The following MED7 variants were observed in gnomAD, a reference collection of about 807,000 sequenced individuals.
MED7 encodes mediator complex subunit 7, also known as mediator of RNA polymerase II transcription subunit 7.
In MED7, 7 loss-of-function variants were observed where a neutral mutation model predicts 16.6. That is an observed-to-expected ratio of 0.42 (90% CI 0.24 to 0.79). The LOEUF (loss-of-function observed/expected upper bound fraction) is 0.79, where lower values mean the gene tolerates loss of function less well. Among genes scored for constraint, MED7 ranks in the 30% least tolerant of loss-of-function variants. The probability of loss-of-function intolerance (pLI) is 0.27; values close to 1 mark genes in which losing one functional copy is unlikely to be tolerated. For missense variants in MED7, 240 were observed against 286.3 expected, an observed-to-expected ratio of 0.84 and a Z score of 1.17; for synonymous variants, 88 against 90.5, an observed-to-expected ratio of 0.97 and a Z score of 0.16.
intron 1 of MED7, among the ~76,000 whole-genome samples, chr5:157,141,537 G>A (rs1301553449): frequency 6.6e-6 from 1 of 152,140 alleles, no homozygotes; most frequent in Non-Finnish European, 1.5e-5. Context: ...TATGGCCTCT[G>A]TAACATAATC....
chr5:157,139,032 T>C lies in MED7; in HGVS notation c.400A>G (p.Thr134Ala). ...TGGACCTCCATCATGACTCTCAAGG[T>C]CTCTCTTGCTTGGTGGGGTCGGTAT... ...NEYRPHQARE[T>A]LRVMMEVQKR... The change falls in exon 2 of 2, where the codon ACC (threonine) becomes GCC (alanine). Residue 134 changes from threonine (T) to alanine (A), a missense_variant. Thr to Ala is a moderately conservative substitution (Grantham distance 58). Transcript: ENST00000286317. 1 of 1,614,134 alleles carries C rather than the reference T, an allele frequency of 6.2e-7. No individual in the cohort carries two copies. Among genetic ancestry groups the C allele is most frequent in the Non-Finnish European group, 8.5e-7 (1 of 1,180,030 alleles).
intron 1 of MED7, among the ~76,000 whole-genome samples, chr5:157,140,227 G>T (rs1757703002): frequency 6.6e-6 from 1 of 152,114 alleles, no homozygotes; most frequent in Admixed American, 6.5e-5. Context: ...TGGCCAGGTT[G>T]GTCTCTTTAC....
In MED7 at chr5:157,138,994, C is replaced by A. The variant is rs1316168953; in HGVS notation, c.438G>T (p.Arg146=). The A allele has an allele frequency of 3.1e-6, 5 of 1,614,020 alleles. No individual in the cohort carries two copies. The highest frequency in any genetic ancestry group is 4.2e-6 in the Non-Finnish European group (5 of 1,180,036). Residue 146 remains arginine (R), a synonymous_variant, in exon 2 of 2, where the codon CGG becomes CGT. Coordinates refer to ENST00000286317, the MANE Select transcript of MED7 (RefSeq NM_004270.5). ...RVMMEVQKRQ[R]LETAERFQKH... is the part of the protein sequence containing the mutation. ...TTTGAAATCTCTCAGCTGTTTCAAG[C>A]CGTTGACGTTTCTGGACCTCCATCA...
chr5:157,141,511 G>A (rs777432350), intron 1 of MED7, among the ~76,000 whole-genome samples: 1 of 152,172 alleles, frequency 6.6e-6, no homozygotes. Flanking sequence ...CCAACTACAT[G>A]ACAGGTACCA....
chr5:157,139,739 T>C (rs886498784), intron 1 of MED7, among the ~76,000 whole-genome samples: 2 of 126,612 alleles, frequency 1.6e-5, no homozygotes, highest in Non-Finnish European at 3.6e-5. Context: ...CTGGACTCCA[T>C]GCCCCTCACC....
intron 1 of MED7, among the ~76,000 whole-genome samples, chr5:157,142,152 G>A (rs1231477248): frequency 2.6e-5 from 4 of 152,146 alleles, no homozygotes; most frequent in South Asian, 2.1e-4. Flanking sequence ...GGTGATGGAG[G>A]TCTTATTTTT....
chr5:157,138,585 C>T lies in MED7; in HGVS notation c.*145G>A. On this transcript the variant is annotated 3_prime_UTR_variant, in exon 2 of 2. Transcript: ENST00000286317. ...GCTTGTTATACAGCGAAATTACTGC[C>T]TATGACATCTCATAATTGAAAAATT... is the stretch of plus-strand genomic sequence containing the variant. 1.5e-6 allele frequency: 1 copy of T among 651,502 alleles called. No homozygotes were observed. Among genetic ancestry groups the T allele is most frequent in the Non-Finnish European group, 2.6e-6 (1 of 387,818 alleles). The allele number at this position is 651,502 out of a possible 1,614,324, so 40.4% of individuals were successfully genotyped here.
rs563783174 is a variant in MED7 at position 157,140,769 on chromosome 5, T to G, written c.-17-1321A>C. Among the ~76,000 whole-genome samples the G allele has an allele frequency of 3.4e-4, 52 of 151,578 alleles. No individual in the cohort carries two copies. The South Asian group carries it at 0.011, about 31-fold the overall frequency. On this transcript the variant is annotated intron_variant, in intron 1 of 1. Coordinates refer to ENST00000286317, the MANE Select transcript of MED7 (RefSeq NM_004270.5). ...GTTACTCAGGCTTGTTTCAAACTCC[T>G]GAGCTCAAGCAATCCTCCTGCCTTG...
chr5:157,140,959 T>C (rs1043548031), intron 1 of MED7, among the ~76,000 whole-genome samples: 1 of 152,256 alleles, frequency 6.6e-6, no homozygotes, highest in African/African-American at 2.4e-5. Context: ...ATTTGCTTTA[T>C]TGGTTTTTCA....
chr5:157,138,100 A>C lies in MED7; in HGVS notation c.*630T>G, dbSNP rs920014735. The C allele has an allele frequency of 2.0e-5, 3 of 152,224 alleles. No individual in the cohort carries two copies. Among genetic ancestry groups the C allele is most frequent in the African/African-American group, 7.2e-5 (3 of 41,446 alleles). 9.4% of individuals were successfully genotyped at this position (152,224 alleles called of 1,614,324 possible). A position where few individuals can be genotyped will look rare whatever the true frequency, so the allele number is the denominator to read the frequency against. On this transcript the variant is annotated 3_prime_UTR_variant, in exon 2 of 2. Coordinates refer to ENST00000286317, the MANE Select transcript of MED7 (RefSeq NM_004270.5). Reference sequence around the variant, plus strand: ...CTTAATTACTAAAATTAATGTCTGTAACTTAAAGTGACCAAAGGACTTATT... The same window carrying C: ...CTTAATTACTAAAATTAATGTCTGTCACTTAAAGTGACCAAAGGACTTATT...
Position 157,137,888 on chromosome 5 carries a change from TCA to T in MED7, c.*840_*841del, listed in dbSNP as rs1372674843. The T allele has an allele frequency of 1.3e-5, 2 of 152,228 alleles. No individual in the cohort carries two copies. Among genetic ancestry groups the T allele is most frequent in the African/African-American group, 4.8e-5 (2 of 41,444 alleles). 9.4% of individuals were successfully genotyped at this position (152,228 alleles called of 1,614,324 possible). A position where few individuals can be genotyped will look rare whatever the true frequency, so the allele number is the denominator to read the frequency against. On this transcript the variant is annotated 3_prime_UTR_variant, in exon 2 of 2. Transcript: ENST00000286317. ...CCGCCTACGACTTAGTCATATGTTC[TCA>T]CAGAGATGCTGGGAGTAGGGAAATG...
chr5:157,138,676 T>G lies in MED7; in HGVS notation c.*54A>C. On this transcript the variant is annotated 3_prime_UTR_variant, in exon 2 of 2. Coordinates refer to ENST00000286317, the MANE Select transcript of MED7 (RefSeq NM_004270.5). ...TCTCTTAAGACTGTCCAAAAGAAAA[T>G]GAACTAATATATGATGCTATTATCA... The G allele has an allele frequency of 7.2e-7, 1 of 1,394,460 alleles. No individual in the cohort carries two copies. The highest frequency in any genetic ancestry group is 2.3e-5 in the Admixed American group (1 of 44,156). The allele number at this position is 1,394,460 out of a possible 1,614,324, so 86.4% of individuals were successfully genotyped here. A position where few individuals can be genotyped will look rare whatever the true frequency, so the allele number is the denominator to read the frequency against.
Position 157,141,967 on chromosome 5 carries a change from A to G in MED7, c.-18+853T>C, listed in dbSNP as rs184864212. 1.1e-4 allele frequency among the ~76,000 whole-genome samples: 17 copies of G among 152,336 alleles called. No individual in the cohort carries two copies. The East Asian group carries it at 3.3e-3, about 29-fold the overall frequency. On this transcript the variant is annotated intron_variant, in intron 1 of 1. Transcript: ENST00000286317. ...TCAATGAGGGGAAGTGTTGCCCCAGATCAAAAGGTTAATAAATGGCACAAC... is the reference window on the plus strand; with the variant it reads ...TCAATGAGGGGAAGTGTTGCCCCAGGTCAAAAGGTTAATAAATGGCACAAC...
rs1757658990 is a variant in MED7, at chr5:157,137,891, C to T, written c.*839G>A. Reference sequence around the variant, plus strand: ...CCTACGACTTAGTCATATGTTCTCACAGAGATGCTGGGAGTAGGGAAATGT... The same window carrying T: ...CCTACGACTTAGTCATATGTTCTCATAGAGATGCTGGGAGTAGGGAAATGT... On this transcript the variant is annotated 3_prime_UTR_variant, in exon 2 of 2. Coordinates refer to ENST00000286317, the MANE Select transcript of MED7 (RefSeq NM_004270.5). The T allele has an allele frequency of 6.6e-6, 1 of 152,190 alleles. No homozygotes were observed. 9.4% of individuals were successfully genotyped at this position (152,190 alleles called of 1,614,324 possible). A position where few individuals can be genotyped will look rare whatever the true frequency, so the allele number is the denominator to read the frequency against.
Position 157,138,635 on chromosome 5 carries a change from C to A in MED7, c.*95G>T, listed in dbSNP as rs1294869047. ...TTGGAGTCAAGATTAAAGCTGTTTA[C>A]ATTTTTAGTGAAACTTCTCTTAAGA... On this transcript the variant is annotated 3_prime_UTR_variant, in exon 2 of 2. Transcript: ENST00000286317. 1.8e-6 allele frequency: 2 copies of A among 1,114,742 alleles called. No homozygotes were observed. Among genetic ancestry groups the A allele is most frequent in the African/African-American group, 1.6e-5 (1 of 63,888 alleles). 69.1% of individuals were successfully genotyped at this position (1,114,742 alleles called of 1,614,324 possible). A position where few individuals can be genotyped will look rare whatever the true frequency, so the allele number is the denominator to read the frequency against.
chr5:157,140,976 T>C (rs1350211616), intron 1 of MED7, among the ~76,000 whole-genome samples: 1 of 152,268 alleles, frequency 6.6e-6, no homozygotes, highest in Admixed American at 6.5e-5. Context: ...TTCATTCCTT[T>C]ACCCCTGAAT....
At chr5:157,140,939 A>G (rs2113712540) in intron 1 of MED7, among the ~76,000 whole-genome samples, 1 of 152,222 alleles carries the variant, frequency 6.6e-6, no homozygotes, top group African/African-American at 2.4e-5. Flanking sequence ...AAATGTTAAC[A>G]TTTTCCTTCA....
chr5:157,138,083 C>T lies in MED7; in HGVS notation c.*647G>A, dbSNP rs974508663. 4 of 146,488 alleles carry T rather than the reference C, an allele frequency of 2.7e-5. No individual in the cohort carries two copies. The highest frequency in any genetic ancestry group is 1.0e-4 in the African/African-American group (4 of 39,182). The allele number at this position is 146,488 out of a possible 1,614,324, so 9.1% of individuals were successfully genotyped here. On this transcript the variant is annotated 3_prime_UTR_variant, in exon 2 of 2. Transcript: ENST00000286317. ...GCTAATGACACAGACATCTTAATTA[C>T]TAAAATTAATGTCTGTAACTTAAAG...
chr5:157,141,546 T>C (rs1757724984), intron 1 of MED7, among the ~76,000 whole-genome samples: 1 of 152,174 alleles, frequency 6.6e-6, no homozygotes, highest in Non-Finnish European at 1.5e-5. Flanking sequence ...TGTAACATAA[T>C]CTTCATTAAC....
Sources: gnomAD v4.1 joint callset for allele counts (sites outside exome capture counted in the v4.1 genomes callset) on GRCh38, gnomAD v4.1.1 for gene constraint, MANE v1.5 for transcripts, NCBI Gene and HGNC (gene_info 2026-07-23, HGNC 2026-07-21) for gene names.